SYTL4: variants seen among roughly 807,000 people sequenced by gnomAD.
SYTL4 encodes the protein synaptotagmin-like protein 4.
SYTL4 carries 16 observed loss-of-function variants against 52.7 expected under a neutral mutation model. The observed-to-expected ratio is 0.30, with a 90% CI of 0.21 to 0.46. SYTL4 has a LOEUF of 0.46. Among genes scored for constraint, SYTL4 ranks in the 20% least tolerant of loss-of-function variants. The pLI is 1.00. For missense variants in SYTL4, 423 were observed against 519.9 expected (o/e 0.81, Z 1.81); for synonymous variants, 160 against 186.6 (o/e 0.86, Z 1.16).
At chrX:100,706,305 C>T (rs2083955715) in intron 2 of SYTL4, among the ~76,000 whole-genome samples, 1 of 112,356 alleles carries the variant, frequency 8.9e-6, no homozygotes, top group South Asian at 3.6e-4. Context: ...CCAGTCCCAT[C>T]AGACATGCTT....
intron 8 of SYTL4, among the ~76,000 whole-genome samples, chrX:100,692,000 A>T (rs1318285637): frequency 8.9e-6 from 1 of 111,845 alleles, no homozygotes; most frequent in African/African-American, 3.2e-5. Context: ...TTTTAGAAAG[A>T]CAAAGTTATT....
In SYTL4 at chrX:100,701,910, G is replaced by A. The variant is rs752156862; in HGVS notation, c.110+18C>T. On this transcript the variant is annotated intron_variant, in intron 5 of 19. Transcript: ENST00000372989. ...TGGTCAAAGGCCTGGGACCCCATGC[G>A]TTTTGGGGAACTCTTACCTAATCCT... is the stretch of plus-strand genomic sequence containing the variant. 4.2e-5 allele frequency: 48 copies of A among 1,155,953 alleles called. No individual in the cohort carries two copies. In the Admixed American group the frequency reaches 8.9e-4, roughly 21 times the overall value.
At chrX:100,705,831 C>T (rs2083945857) in intron 2 of SYTL4, among the ~76,000 whole-genome samples, 1 of 111,607 alleles carries the variant, frequency 9.0e-6, no homozygotes, top group East Asian at 2.8e-4. Flanking sequence ...TGGACCTGAC[C>T]AACCAGAACT....
chrX:100,714,439 C>T (rs981912534), intron 2 of SYTL4, among the ~76,000 whole-genome samples: 5 of 110,154 alleles, frequency 4.5e-5, no homozygotes, highest in African/African-American at 1.3e-4. Context: ...TTTTGTATTT[C>T]TAGTAGAGAC....
intron 2 of SYTL4, among the ~76,000 whole-genome samples, chrX:100,723,650 C>A (rs866237203): frequency 9.1e-6 from 1 of 110,424 alleles, no homozygotes; most frequent in Non-Finnish European, 1.9e-5. Context: ...AGCGTCTCTG[C>A]CCGGCCGCCC....
At chrX:100,725,729 T>C (rs2084503748) in intron 2 of SYTL4, among the ~76,000 whole-genome samples, 1 of 111,662 alleles carries the variant, frequency 9.0e-6, no homozygotes, top group Non-Finnish European at 1.9e-5. Flanking sequence ...TCTAGCTGGG[T>C]TGATGGATGG....
At chrX:100,700,634 G>A (rs181498123) in intron 8 of SYTL4, among the ~76,000 whole-genome samples, 7 of 111,670 alleles carry the variant, frequency 6.3e-5, no homozygotes, top group Admixed American at 2.8e-4. Context: ...CAAATTGTTC[G>A]TATAAAGAAC....
intron 15 of SYTL4, 44 bp downstream of exon 15, chrX:100,686,635 C>G (rs955712671): frequency 9.7e-7 from 1 of 1,034,003 alleles, no homozygotes; most frequent in Non-Finnish European, 1.3e-6. Context: ...GCTTAGGGCA[C>G]AAGACAGAAC....
At chrX:100,702,190 T>C in intron 4 of SYTL4, 83 bp from the exon 5 acceptor site, 1 of 424,289 alleles carries the variant, frequency 2.4e-6, no homozygotes. Context: ...AATAGGTTCC[T>C]TTCCCCTTGA....
At chrX:100,712,188 AG>A (rs1325187469) in intron 2 of SYTL4, among the ~76,000 whole-genome samples, 1 of 112,277 alleles carries the variant, frequency 8.9e-6, no homozygotes, top group African/African-American at 3.2e-5. Context: ...ACAGAAATAT[AG>A]GTTTACAAAA....
At chrX:100,697,546 C>T (rs1041530448) in intron 8 of SYTL4, among the ~76,000 whole-genome samples, 7 of 111,181 alleles carry the variant, frequency 6.3e-5, no homozygotes, top group East Asian at 5.6e-4. Context: ...GATGAAGAAC[C>T]GAGTCTGGAG....
intron 8 of SYTL4, 97 bp from the exon 9 acceptor site, chrX:100,691,306 A>T (rs2083593381): frequency 1.3e-5 from 7 of 543,227 alleles, no homozygotes; most frequent in Non-Finnish European, 2.2e-5. Flanking sequence ...AGCCTGAGTG[A>T]TCTTTCTAAA....
intron 19 of SYTL4, among the ~76,000 whole-genome samples, chrX:100,676,626 A>G (rs985085106): frequency 9.0e-6 from 1 of 111,428 alleles, no homozygotes; most frequent in Non-Finnish European, 1.9e-5. Context: ...CTGGGACTAC[A>G]GGCCTGCGCC....
chrX:100,718,670 T>C (rs919229556), intron 2 of SYTL4, among the ~76,000 whole-genome samples: 2 of 111,902 alleles, frequency 1.8e-5, no homozygotes, highest in African/African-American at 6.5e-5. Flanking sequence ...AATGAGAAAT[T>C]TACAACTAGC....
rs1169563164 is a variant in SYTL4, at chrX:100,690,069, AG to A, written c.808+5del. 8.3e-7 allele frequency: 1 copy of A among 1,203,363 alleles called. No individual in the cohort carries two copies. Among genetic ancestry groups the A allele is most frequent in the South Asian group, 1.8e-5 (1 of 56,569 alleles). On this transcript the variant is annotated splice_donor_5th_base_variant and intron_variant, in intron 11 of 19. Transcript: ENST00000372989. ...TCCTGAAAGACCAGTAAGGGAAACC[AG>A]TTACCTGAAGGCCTGAGGATTTTTC... is the stretch of plus-strand genomic sequence containing the variant.
intron 2 of SYTL4, among the ~76,000 whole-genome samples, chrX:100,713,225 G>A (rs1445059003): frequency 2.7e-5 from 3 of 112,045 alleles, no homozygotes; most frequent in Non-Finnish European, 3.8e-5. Context: ...TGGGCGGATC[G>A]CTTGAGGTCA....
chrX:100,709,067 T>C (rs1193828284), intron 2 of SYTL4, among the ~76,000 whole-genome samples: 1 of 112,319 alleles, frequency 8.9e-6, no homozygotes, highest in Non-Finnish European at 1.9e-5. Context: ...AAAAGTCTAG[T>C]GAATGTCTTT....
At chrX:100,684,258 G>A (rs1229656166) in intron 16 of SYTL4, among the ~76,000 whole-genome samples, 1 of 107,793 alleles carries the variant, frequency 9.3e-6, no homozygotes, top group Non-Finnish European at 1.9e-5. Context: ...GTTTTTATTA[G>A]TATTTAAAGG....
chrX:100,731,185 T>C (rs2084636241), intron 2 of SYTL4, among the ~76,000 whole-genome samples: 1 of 111,743 alleles, frequency 8.9e-6, no homozygotes, highest in Non-Finnish European at 1.9e-5. Context: ...CATTCAATGT[T>C]AAGGGTTGGA....
Sources: gnomAD v4.1 joint callset for allele counts (sites outside exome capture counted in the v4.1 genomes callset) on GRCh38, gnomAD v4.1.1 for gene constraint, MANE v1.5 for transcripts, NCBI Gene and HGNC (gene_info 2026-07-23, HGNC 2026-07-21) for gene names.